ESRRG: variants seen among roughly 807,000 people sequenced by gnomAD.
ESRRG encodes the protein estrogen-related receptor gamma.
Under a neutral mutation model 44.0 loss-of-function variants are expected in ESRRG, and 13 were observed. The observed-to-expected ratio is 0.30, with a 90% confidence interval of 0.19 to 0.47. The LOEUF (loss-of-function observed/expected upper bound fraction) is 0.47. Among genes scored for constraint, ESRRG ranks in the 20% least tolerant of loss-of-function variants. ESRRG has a pLI of 1.00. For synonymous variants in ESRRG, 215 were observed against 214.6 expected (o/e 1.00, Z -0.02); for missense variants, 395 against 580.6 (o/e 0.68, Z 3.29).
chr1:216,727,097 T>G (rs1347465263), upstream of ESRRG, among the ~76,000 whole-genome samples: 1 of 152,214 alleles, frequency 6.6e-6, no homozygotes, highest in Non-Finnish European at 1.5e-5. Context: ...TTCATTAAAA[T>G]GTTCAAGTTT....
chr1:217,119,420 C>G (rs1039632957), intron 1 of ESRRG, among the ~76,000 whole-genome samples: 1 of 152,112 alleles, frequency 6.6e-6, no homozygotes, highest in Non-Finnish European at 1.5e-5. Context: ...AACAATGGAC[C>G]ATGTAAATCT....
At chr1:217,059,646 A>G (rs1445377364) in intron 1 of ESRRG, among the ~76,000 whole-genome samples, 1 of 152,094 alleles carries the variant, frequency 6.6e-6, no homozygotes, top group Non-Finnish European at 1.5e-5. Context: ...TAATGATTGT[A>G]GTCTTTCCAA....
intron 1 of ESRRG, among the ~76,000 whole-genome samples, chr1:217,012,077 T>C (rs2078699460): frequency 6.6e-6 from 1 of 152,114 alleles, no homozygotes; most frequent in Non-Finnish European, 1.5e-5. Context: ...AATATAAATG[T>C]AAAGTAATAA....
intron 3 of ESRRG, among the ~76,000 whole-genome samples, chr1:216,583,185 GGACAT>G (rs2063131531): frequency 6.6e-6 from 1 of 152,278 alleles, no homozygotes; most frequent in East Asian, 1.9e-4. Context: ...TCTTTAAACA[GGACAT>G]GACACATACT....
Position 217,115,572 on chromosome 1 carries a change from G to A in ESRRG, c.-230+22095C>T, listed in dbSNP as rs574299249. 7.5e-4 allele frequency among the ~76,000 whole-genome samples: 114 copies of A among 152,088 alleles called. 1 individual carries two copies. In the South Asian group the frequency reaches 0.013, roughly 18 times the overall value. On this transcript the variant is annotated intron_variant, in intron 1 of 8. Transcript: ENST00000366940. Reference sequence around the variant, plus strand: ...ACATACCAGGCATGCTCCTCCATTAGTAACCCTGTACTTGCTGTCCTCTCT... The same window carrying A: ...ACATACCAGGCATGCTCCTCCATTAATAACCCTGTACTTGCTGTCCTCTCT...
At chr1:216,728,869 G>A (rs570125604) in intron 2 of ESRRG, among the ~76,000 whole-genome samples, 3 of 151,404 alleles carry the variant, frequency 2.0e-5, no homozygotes, top group Non-Finnish European at 4.4e-5. Context: ...TTTTTCTGAT[G>A]TTTGAACTCT....
chr1:216,606,260 G>A (rs1229472570), intron 3 of ESRRG, among the ~76,000 whole-genome samples: 1 of 152,052 alleles, frequency 6.6e-6, no homozygotes, highest in African/African-American at 2.4e-5. Context: ...GTGACTGATT[G>A]GAGCTGTGAT....
Position 216,506,541 on chromosome 1 carries a change from C to G in ESRRG, c.*398G>C. On this transcript the variant is annotated 3_prime_UTR_variant, in exon 7 of 7. Transcript: ENST00000408911. The stretch of plus-strand genomic sequence containing the variant: ...ATTTTTTTTTAAACTAAAGCTATTT[C>G]AAATTTAGAAAAAAGGGGAAGGATG... 1 of 393,224 alleles carries G rather than the reference C, an allele frequency of 2.5e-6. No individual in the cohort carries two copies. Among genetic ancestry groups the G allele is most frequent in the Non-Finnish European group, 5.0e-6 (1 of 201,404 alleles). The allele number at this position is 393,224 out of a possible 1,614,324, so 24.4% of individuals were successfully genotyped here. A position where few individuals can be genotyped will look rare whatever the true frequency, so the allele number is the denominator to read the frequency against.
At chr1:216,795,571 CCT>C (rs2094450200) in intron 2 of ESRRG, among the ~76,000 whole-genome samples, 2 of 151,702 alleles carry the variant, frequency 1.3e-5, no homozygotes. Flanking sequence ...AAACTCCTGA[CCT>C]CAAGTGATCC....
chr1:216,688,118 A>G (rs2078361894), intron 1 of ESRRG, among the ~76,000 whole-genome samples: 1 of 152,222 alleles, frequency 6.6e-6, no homozygotes. Flanking sequence ...TGAAAAAGTA[A>G]TTAACACTAA....
intron 2 of ESRRG, among the ~76,000 whole-genome samples, chr1:216,749,011 C>T (rs1390869981): frequency 5.9e-5 from 9 of 152,078 alleles, no homozygotes; most frequent in African/African-American, 1.4e-4. Flanking sequence ...CTCATCCATC[C>T]CTTTTAATTT....
chr1:216,845,236 T>C (rs2095723928), intron 2 of ESRRG, among the ~76,000 whole-genome samples: 1 of 152,170 alleles, frequency 6.6e-6, no homozygotes, highest in Non-Finnish European at 1.5e-5. Flanking sequence ...GTGTTTTTAG[T>C]GTTAAGAACA....
In ESRRG at chr1:216,796,953, G is replaced by A. The variant is rs563393134; in HGVS notation, c.-13-119462C>T. On this transcript the variant is annotated intron_variant, in intron 2 of 7. Coordinates refer to the ESRRG transcript ENST00000359162. ...GTTGCCCAGGCTGGAGTGCAGTGGT[G>A]CGATCTCGGCTCACTACAATTTCTG... is the stretch of plus-strand genomic sequence containing the variant. Among the ~76,000 whole-genome samples the A allele has an allele frequency of 2.4e-3, 361 of 152,064 alleles. 3 individuals carry two copies. Among genetic ancestry groups the A allele is most frequent in the African/African-American group, 7.9e-3 (328 of 41,478 alleles).
intron 2 of ESRRG, among the ~76,000 whole-genome samples, chr1:216,917,589 C>T (rs1010017437): frequency 2.0e-5 from 3 of 152,162 alleles, no homozygotes; most frequent in African/African-American, 7.2e-5. Context: ...GAATTTGTAA[C>T]ACCCAGAAAT....
chr1:216,553,508 C>T (rs1252628020), intron 5 of ESRRG, among the ~76,000 whole-genome samples: 1 of 152,022 alleles, frequency 6.6e-6, no homozygotes, highest in Non-Finnish European at 1.5e-5. Flanking sequence ...TTTGTGGTTG[C>T]CAGAATAATG....
chr1:216,745,208 G>T (rs1214072120), intron 2 of ESRRG, among the ~76,000 whole-genome samples: 1 of 151,970 alleles, frequency 6.6e-6, no homozygotes, highest in Non-Finnish European at 1.5e-5. Flanking sequence ...ACCCAGGCTG[G>T]AGTGCAGTGG....
chr1:216,651,526 G>A (rs1234600732), intron 2 of ESRRG, among the ~76,000 whole-genome samples: 1 of 151,636 alleles, frequency 6.6e-6, no homozygotes, highest in East Asian at 1.9e-4. Context: ...ACACTGAACA[G>A]TATAAACTTC....
chr1:216,545,776 T>A (rs1247187491), intron 5 of ESRRG, among the ~76,000 whole-genome samples: 2 of 152,084 alleles, frequency 1.3e-5, no homozygotes, highest in Non-Finnish European at 2.9e-5. Flanking sequence ...AAGAAAACTC[T>A]TAATTCAAAT....
intron 1 of ESRRG, among the ~76,000 whole-genome samples, chr1:216,972,730 G>A (rs1316136575): frequency 1.3e-5 from 2 of 152,162 alleles, no homozygotes; most frequent in African/African-American, 4.8e-5. Context: ...AGTATTTAAT[G>A]TCACTAGGCC....
Sources: gnomAD v4.1 joint callset for allele counts (sites outside exome capture counted in the v4.1 genomes callset) on GRCh38, gnomAD v4.1.1 for gene constraint, MANE v1.5 for transcripts, NCBI Gene and HGNC (gene_info 2026-07-23, HGNC 2026-07-21) for gene names.